The following GFRA4 variants were observed in gnomAD, a reference collection of about 807,000 sequenced individuals.
GFRA4 encodes the protein GDNF family receptor alpha 4.
A neutral mutation model predicts 28.5 loss-of-function variants in GFRA4; 31 were observed. That is an observed-to-expected ratio of 1.09 (90% CI 0.82 to 1.47). GFRA4 has a LOEUF of 1.47. Among genes scored for constraint, GFRA4 ranks in the 40% most tolerant of loss-of-function variants. The probability of loss-of-function intolerance (pLI) is 0.00; values close to 1 mark genes in which losing one functional copy is unlikely to be tolerated. For synonymous variants in GFRA4, 188 were observed against 188.0 expected, an observed-to-expected ratio of 1.00 and a Z score of 0.00; for missense variants, 389 against 413.2, an observed-to-expected ratio of 0.94 and a Z score of 0.51.
chr20:3,662,700 A>G (rs2087235980), intron 1 of GFRA4, among the ~76,000 whole-genome samples: 1 of 152,112 alleles, frequency 6.6e-6, no homozygotes, highest in African/African-American at 2.4e-5. Context: ...CAAAGGGCAC[A>G]CTTTGCTTTC....
At position 3,661,292 on chromosome 20, in the gene GFRA4, G is replaced by T; in HGVS notation, c.47-3C>A. The stretch of plus-strand genomic sequence containing the variant: ...CCCTCCGACCGAGCTCGCCGACCCT[G>T]GGAAAGGCGCGGGGAGGCTGCAGGT... On this transcript the variant is annotated splice_polypyrimidine_tract_variant and splice_region_variant and intron_variant, in intron 1 of 5. Coordinates refer to ENST00000290417, the MANE Select transcript of GFRA4 (RefSeq NM_022139.4). The T allele has an allele frequency of 1.4e-6, 2 of 1,459,558 alleles. No individual in the cohort carries two copies. The highest frequency in any genetic ancestry group is 2.6e-5 in the Admixed American group (1 of 38,816). 90.4% of individuals were successfully genotyped at this position (1,459,558 alleles called of 1,614,324 possible).
Position 3,661,305 on chromosome 20 carries a change from G to C in GFRA4, c.47-16C>G. On this transcript the variant is annotated splice_polypyrimidine_tract_variant and intron_variant, in intron 1 of 5. Transcript: ENST00000290417. Reference sequence around the variant, plus strand: ...CTCGCCGACCCTGGGAAAGGCGCGGGGAGGCTGCAGGTCTCAGTGCGCCCC... The same window carrying C: ...CTCGCCGACCCTGGGAAAGGCGCGGCGAGGCTGCAGGTCTCAGTGCGCCCC... 6.9e-7 allele frequency: 1 copy of C among 1,447,544 alleles called. No homozygotes were observed. The highest frequency in any genetic ancestry group is 9.0e-7 in the Non-Finnish European group (1 of 1,105,044). The allele number at this position is 1,447,544 out of a possible 1,614,324, so 89.7% of individuals were successfully genotyped here. A position where few individuals can be genotyped will look rare whatever the true frequency, so the allele number is the denominator to read the frequency against.
intron 1 of GFRA4, 76 bp downstream of exon 1, chr20:3,663,278 C>T (rs903321018): frequency 4.0e-6 from 6 of 1,515,058 alleles, no homozygotes; most frequent in African/African-American, 2.7e-5. Context: ...GAATATCTTG[C>T]CCTCCCACCT....
Position 3,663,394 on chromosome 20 carries a change from G to A in GFRA4, c.6C>T (p.Val2=). 2 of 1,609,394 alleles carry A rather than the reference G, an allele frequency of 1.2e-6. No individual in the cohort carries two copies. Among genetic ancestry groups the A allele is most frequent in the Non-Finnish European group, 1.7e-6 (2 of 1,178,788 alleles). M[V]RCLGPALLLL... Reference sequence around the variant, plus strand: ...GCAGCAGCGCAGGCCCCAGGCAGCGGACCATGCTGGACCTTCAACAGAGAA... The same window carrying A: ...GCAGCAGCGCAGGCCCCAGGCAGCGAACCATGCTGGACCTTCAACAGAGAA... Residue 2 remains valine (V), a synonymous_variant, in exon 1 of 6, where the codon GTC becomes GTT. Transcript: ENST00000290417.
chr20:3,660,869 G>T lies in GFRA4; in HGVS notation c.393-5C>A. ...TGAAAGGCCAGGAGGCGAGGCCTGC[G>T]CGGCGGGAGGGCGGTGAGCCGGAGA... On this transcript the variant is annotated splice_polypyrimidine_tract_variant and splice_region_variant and intron_variant, in intron 2 of 5. Transcript: ENST00000290417. The T allele has an allele frequency of 7.1e-7, 1 of 1,409,114 alleles. No homozygotes were observed. Among genetic ancestry groups the T allele is most frequent in the East Asian group, 3.0e-5 (1 of 33,526 alleles). The allele number at this position is 1,409,114 out of a possible 1,614,324, so 87.3% of individuals were successfully genotyped here.
chr20:3,660,369 G>T, intron 4 of GFRA4, 120 bp from the exon 5 acceptor site: 1 of 1,056,984 alleles, frequency 9.5e-7, no homozygotes, highest in Non-Finnish European at 1.4e-6. Context: ...GAAGGTGTGT[G>T]GTGAGGAATA....
rs2087218743 is a variant in GFRA4, at chr20:3,661,150, G to C, written c.186C>G (p.Ala62=). 3.7e-6 allele frequency: 5 copies of C among 1,342,314 alleles called. No individual in the cohort carries two copies. The highest frequency in any genetic ancestry group is 4.7e-6 in the Non-Finnish European group (5 of 1,054,150). 83.2% of individuals were successfully genotyped at this position (1,342,314 alleles called of 1,614,324 possible). ...GRAAQGGCPR[A]RCRRALRRFF... ...AGCGGCGCAGGGCCCGGCGGCAGCG[G>C]GCGCGGGGACAGCCCCCCTGCGCAG... is the stretch of plus-strand genomic sequence containing the variant. Residue 62 remains alanine, a synonymous_variant, in exon 2 of 6, where the codon GCC becomes GCG. Coordinates refer to ENST00000290417, the MANE Select transcript of GFRA4 (RefSeq NM_022139.4).
chr20:3,661,326 G>A (rs2087223225), intron 1 of GFRA4, 37 bp from the exon 2 acceptor site: 1 of 1,407,654 alleles, frequency 7.1e-7, no homozygotes, highest in Non-Finnish European at 9.2e-7. Flanking sequence ...GTCTCAGTGC[G>A]CCCCGCATGC....
chr20:3,660,512 C>A lies in GFRA4; in HGVS notation c.637+14G>T, dbSNP rs369519933. 1.1e-4 allele frequency: 170 copies of A among 1,546,806 alleles called. 1 individual carries two copies. The African/African-American group carries it at 1.7e-3, about 15-fold the overall frequency. Reference sequence around the variant, plus strand: ...CGCCCCCACTCCCCCTCCACTCCCCCCCGGGCCCCTCACCCAAGCAGCGGT... The same window carrying A: ...CGCCCCCACTCCCCCTCCACTCCCCACCGGGCCCCTCACCCAAGCAGCGGT... On this transcript the variant is annotated intron_variant, in intron 4 of 5. Coordinates refer to ENST00000290417, the MANE Select transcript of GFRA4 (RefSeq NM_022139.4).
chr20:3,659,937 G>A lies in GFRA4; in HGVS notation c.782C>T (p.Pro261Leu), dbSNP rs758825232. 6 of 1,598,136 alleles carry A rather than the reference G, an allele frequency of 3.8e-6. No individual in the cohort carries two copies. Among genetic ancestry groups the A allele is most frequent in the Non-Finnish European group, 5.1e-6 (6 of 1,173,632 alleles). The change falls in exon 6 of 6, where the codon CCT becomes CTT. Residue 261 changes from proline (P) to leucine (L), a missense_variant. Coordinates refer to ENST00000290417, the MANE Select transcript of GFRA4 (RefSeq NM_022139.4). Reference protein sequence around the residue: ...LERRSLLSILPVLALPALL With the variant: ...LERRSLLSILLVLALPALL ...GAGCAGGGCCGGGAGAGCCAGGACAGGAAGTATGGAGAGCAGGGAGCGTCT... is the reference window on the plus strand; with the variant it reads ...GAGCAGGGCCGGGAGAGCCAGGACAAGAAGTATGGAGAGCAGGGAGCGTCT...
At position 3,660,602 on chromosome 20, in the gene GFRA4, G is replaced by T; in HGVS notation, c.561C>A (p.Cys187Ter). Reference sequence around the variant, plus strand: ...GCCGGTTCCCGCTGGCTCCGCAGTCGCACCAGGGCGCCACGCGCGCGCTCA... The same window carrying T: ...GCCGGTTCCCGCTGGCTCCGCAGTCTCACCAGGGCGCCACGCGCGCGCTCA... ...DNVSARVAPW[C>*]DCGASGNRRE... Residue 187 changes from cysteine to a stop codon, truncating the protein, a stop_gained, in exon 4 of 6, where the codon TGC becomes TGA. Transcript: ENST00000290417. LOFTEE classifies it high-confidence loss of function. 2 of 1,550,840 alleles carry T rather than the reference G, an allele frequency of 1.3e-6. No individual in the cohort carries two copies. The highest frequency in any genetic ancestry group is 8.7e-7 in the Non-Finnish European group (1 of 1,147,314).
Position 3,661,192 on chromosome 20 carries a change from C to A in GFRA4, c.144G>T (p.Ala48=). ...RCQRLRSEYV[A]QCLGRAAQGG... Reference sequence around the variant, plus strand: ...CCTGCGCAGCCCGGCCCAGGCACTGCGCCACATACTCGGAGCGCAAACGCT... The same window carrying A: ...CCTGCGCAGCCCGGCCCAGGCACTGAGCCACATACTCGGAGCGCAAACGCT... Residue 48 remains alanine (A), a synonymous_variant, in exon 2 of 6, where the codon GCG becomes GCT. Coordinates refer to ENST00000290417, the MANE Select transcript of GFRA4 (RefSeq NM_022139.4). The A allele has an allele frequency of 6.7e-7, 1 of 1,490,796 alleles. No individual in the cohort carries two copies. Among genetic ancestry groups the A allele is most frequent in the South Asian group, 1.2e-5 (1 of 80,360 alleles). 92.3% of individuals were successfully genotyped at this position (1,490,796 alleles called of 1,614,324 possible).
chr20:3,663,122 T>G (rs1365330819), intron 1 of GFRA4, among the ~76,000 whole-genome samples: 1 of 151,908 alleles, frequency 6.6e-6, no homozygotes, highest in Non-Finnish European at 1.5e-5. Flanking sequence ...GTGCCAAGGC[T>G]GGACTCGGGA....
intron 1 of GFRA4, 127 bp downstream of exon 1, chr20:3,663,227 G>C (rs888138833): frequency 8.9e-7 from 1 of 1,128,452 alleles, no homozygotes; most frequent in African/African-American, 1.5e-5. Context: ...GTGCGCACAG[G>C]CCTCTCACTG....
chr20:3,660,649 T>A lies in GFRA4; in HGVS notation c.514A>T (p.Thr172Ser). 6.5e-7 allele frequency: 1 copy of A among 1,549,796 alleles called. No homozygotes were observed. Among genetic ancestry groups the A allele is most frequent in the Non-Finnish European group, 8.7e-7 (1 of 1,146,940 alleles). Residue 172 changes from threonine (T) to serine (S), a missense_variant, in exon 4 of 6, where the codon ACC (threonine) becomes TCC (serine). Transcript: ENST00000290417. ...CTCACGTTGTCCACGTAGTTAGGGGTGACGGCGGTGCCTGCGGGGACCCTG... is the reference window on the plus strand; with the variant it reads ...CTCACGTTGTCCACGTAGTTAGGGGAGACGGCGGTGCCTGCGGGGACCCTG... ...AYAGLVGTAV[T>S]PNYVDNVSAR...
Position 3,659,748 on chromosome 20 carries a change from G to T in GFRA4, c.*161C>A. 1 of 675,906 alleles carries T rather than the reference G, an allele frequency of 1.5e-6. No homozygotes were observed. Among genetic ancestry groups the T allele is most frequent in the Non-Finnish European group, 2.5e-6 (1 of 395,890 alleles). 41.9% of individuals were successfully genotyped at this position (675,906 alleles called of 1,614,324 possible). On this transcript the variant is annotated 3_prime_UTR_variant, in exon 6 of 6. Coordinates refer to ENST00000290417, the MANE Select transcript of GFRA4 (RefSeq NM_022139.4). ...CCTACATCCCTTGCCCCAGGGGACG[G>T]CACACAGGGTGTCCAAACCTACAAA...
In GFRA4 at chr20:3,661,191, G is replaced by T. The variant is rs928893853; in HGVS notation, c.145C>A (p.Gln49Lys). 25 of 1,490,482 alleles carry T rather than the reference G, an allele frequency of 1.7e-5. No individual in the cohort carries two copies. The highest frequency in any genetic ancestry group is 2.1e-5 in the Non-Finnish European group (24 of 1,127,200). 92.3% of individuals were successfully genotyped at this position (1,490,482 alleles called of 1,614,324 possible). A position where few individuals can be genotyped will look rare whatever the true frequency, so the allele number is the denominator to read the frequency against. The stretch of plus-strand genomic sequence containing the variant: ...CCCTGCGCAGCCCGGCCCAGGCACT[G>T]CGCCACATACTCGGAGCGCAAACGC... ...CQRLRSEYVA[Q>K]CLGRAAQGGC... The change falls in exon 2 of 6, where the codon CAG becomes AAG. Residue 49 changes from glutamine to lysine, a missense_variant. Transcript: ENST00000290417.
chr20:3,660,309 CAG>C (rs1376578837), intron 4 of GFRA4, 60 bp from the exon 5 acceptor site: 7 of 1,395,190 alleles, frequency 5.0e-6, no homozygotes, highest in Admixed American at 2.2e-5. Flanking sequence ...GGGCTCAGCA[CAG>C]GGGACAAAGT....
rs1029600676 is a variant in GFRA4, at chr20:3,661,069, C to T, written c.267G>A (p.Ala89=). The change falls in exon 2 of 6, where the codon GCG becomes GCA. Residue 89 remains alanine, a synonymous_variant. Transcript: ENST00000290417. ...GCCGACGCTCGGCGCACGCGGGGCC[C>T]GCGCACGGGCAGAAGAGCAGTGCGT... is the stretch of plus-strand genomic sequence containing the variant. ...LTHALLFCPC[A]GPACAERRRQ... is the part of the protein sequence containing the mutation. 2.8e-6 allele frequency: 4 copies of T among 1,442,646 alleles called. No individual in the cohort carries two copies. In the African/African-American group the frequency reaches 4.5e-5, roughly 16 times the overall value. 89.4% of individuals were successfully genotyped at this position (1,442,646 alleles called of 1,614,324 possible).
Sources: gnomAD v4.1 joint callset for allele counts (sites outside exome capture counted in the v4.1 genomes callset) on GRCh38, gnomAD v4.1.1 for gene constraint, MANE v1.5 for transcripts, NCBI Gene and HGNC (gene_info 2026-07-23, HGNC 2026-07-21) for gene names.